Variants in GET1 observed in about 807,000 individuals in gnomAD.
GET1 encodes guided entry of tail-anchored proteins factor 1.
In GET1, 20 loss-of-function variants were observed where a neutral mutation model predicts 22.6. The observed-to-expected ratio is 0.89, with a 90% CI of 0.62 to 1.29. The LOEUF (loss-of-function observed/expected upper bound fraction) is 1.29, where lower values mean the gene tolerates loss of function less well. Among genes scored for constraint, GET1 ranks in the 50% most tolerant of loss-of-function variants. GET1 has a pLI of 0.00. For synonymous variants in GET1, 92 were observed against 83.8 expected (o/e 1.10, Z -0.53); for missense variants, 209 against 219.9 (o/e 0.95, Z 0.31).
At chr21:39,421,908 T>G (rs984184941) in intron 1 of GET1, 83 of 152,308 alleles carry the variant, frequency 5.4e-4, no homozygotes, top group African/African-American at 1.9e-3. Flanking sequence ...TTTGTTTTGG[T>G]TTTATGTATA....
At chr21:39,380,935 G>GGGGA in intron 1 of GET1, 1 of 187,976 alleles carries the variant, frequency 5.3e-6, no homozygotes, top group Non-Finnish European at 9.8e-6. Flanking sequence ...GGTAGGGTGG[G>GGGGA]AGACAGGTGT....
chr21:39,423,420 C>T lies in GET1; in HGVS notation c.*24-4812C>T, dbSNP rs138035610. 2.1e-5 allele frequency: 34 copies of T among 1,601,016 alleles called. No individual in the cohort carries two copies. Among genetic ancestry groups the T allele is most frequent in the Non-Finnish European group, 2.8e-5 (33 of 1,176,848 alleles). Reference sequence around the variant, plus strand: ...CCATAGCATCTCTTCTTTGGGCAATCATATGGATTTGAGAATTAAAGAGTG... The same window carrying T: ...CCATAGCATCTCTTCTTTGGGCAATTATATGGATTTGAGAATTAAAGAGTG... On this transcript the variant is annotated intron_variant, in intron 1 of 1. Coordinates refer to the GET1 transcript ENST00000478273.
intron 1 of GET1, chr21:39,380,837 G>T: frequency 1.0e-6 from 1 of 991,258 alleles, no homozygotes; most frequent in Non-Finnish European, 1.2e-6. Flanking sequence ...CTCGGCCAGG[G>T]TTTCCCAGAG....
At chr21:39,387,819 A>G in intron 1 of GET1, 1 of 984,672 alleles carries the variant, frequency 1.0e-6, no homozygotes, top group Non-Finnish European at 1.2e-6. Flanking sequence ...CTCTAAATGG[A>G]GAGTTGTCCC....
At chr21:39,401,538 A>G (rs188176367), downstream of GET1, among the ~76,000 whole-genome samples, 13 of 152,332 alleles carry the variant, frequency 8.5e-5, no homozygotes, top group South Asian at 2.1e-4. Flanking sequence ...ATCATTTCCT[A>G]TTCGTCAGAG....
intron 4 of GET1, among the ~76,000 whole-genome samples, chr21:39,393,923 T>G (rs1310484751): frequency 6.6e-6 from 1 of 152,212 alleles, no homozygotes; most frequent in African/African-American, 2.4e-5. Flanking sequence ...GTACTGAGAT[T>G]ACAGGCATGA....
intron 4 of GET1, among the ~76,000 whole-genome samples, chr21:39,405,493 C>T (rs1472553429): frequency 6.6e-6 from 1 of 152,180 alleles, no homozygotes; most frequent in Non-Finnish European, 1.5e-5. Context: ...TGCATCTGGC[C>T]TGCTTCCATG....
chr21:39,382,253 C>T (rs2037600075), intron 1 of GET1, among the ~76,000 whole-genome samples: 1 of 152,020 alleles, frequency 6.6e-6, no homozygotes, highest in Admixed American at 6.6e-5. Context: ...CGGGGTCTCA[C>T]TATGTTGCCC....
In GET1 at chr21:39,380,572, C is replaced by G. The variant is rs2037491768; in HGVS notation, c.102+86C>G. The G allele has an allele frequency of 2.6e-6, 4 of 1,538,610 alleles. No individual in the cohort carries two copies. In the South Asian group the frequency reaches 4.7e-5, roughly 18 times the overall value. ...TCTGGCGTAGGTACAGGGGTCTCAA[C>G]TGGGCGACTGAAGGCCGTAGTAGCG... On this transcript the variant is annotated intron_variant, in intron 1 of 4. Transcript: ENST00000649170.
At chr21:39,393,110 G>T in intron 3 of GET1, 56 bp from the exon 4 acceptor site, 1 of 1,442,950 alleles carries the variant, frequency 6.9e-7, no homozygotes, top group East Asian at 2.3e-5. Flanking sequence ...CCTCCCTTCT[G>T]TGTGGTCGGT....
chr21:39,410,339 G>A (rs983119747), downstream of GET1: 6 of 1,607,984 alleles, frequency 3.7e-6, no homozygotes, highest in Admixed American at 8.5e-5. Context: ...AAATTTTTCT[G>A]TCTGCTTGGA....
At chr21:39,407,397 G>A (rs2039261098), downstream of GET1, among the ~76,000 whole-genome samples, 1 of 152,128 alleles carries the variant, frequency 6.6e-6, no homozygotes, top group African/African-American at 2.4e-5. Context: ...AGCATTTTTG[G>A]ATGGCAATTT....
chr21:39,387,718 G>T (rs936988408), intron 1 of GET1: 1 of 751,438 alleles, frequency 1.3e-6, no homozygotes, highest in African/African-American at 2.2e-5. Flanking sequence ...GCCTCATCAC[G>T]CAGGCGCTGG....
chr21:39,422,705 G>GAA (rs997411472), intron 1 of GET1: 15 of 521,496 alleles, frequency 2.9e-5, no homozygotes, highest in Non-Finnish European at 4.7e-5. Context: ...CTCTCTTAGA[G>GAA]AATGGTCATT....
downstream of GET1, among the ~76,000 whole-genome samples, chr21:39,402,320 A>G (rs1459320293): frequency 3.3e-5 from 5 of 152,036 alleles, no homozygotes; most frequent in African/African-American, 1.2e-4. Context: ...GGCCAGGCTG[A>G]TCTCGAACTC....
chr21:39,392,566 C>T (rs983490265), intron 3 of GET1, among the ~76,000 whole-genome samples: 4 of 152,328 alleles, frequency 2.6e-5, no homozygotes, highest in Admixed American at 2.6e-4. Context: ...CATGTCTCTT[C>T]TGAGCGGCCT....
downstream of GET1, among the ~76,000 whole-genome samples, chr21:39,400,455 T>A (rs1410413684): frequency 6.6e-6 from 1 of 152,206 alleles, no homozygotes; most frequent in African/African-American, 2.4e-5. Context: ...ATGCCTTCAG[T>A]CAGTACCCAA....
intron 3 of GET1, among the ~76,000 whole-genome samples, chr21:39,392,324 G>C (rs886483863): frequency 1.3e-5 from 2 of 152,150 alleles, no homozygotes; most frequent in African/African-American, 2.4e-5. Flanking sequence ...GGAGCTGTTG[G>C]GCTCTGCTCT....
chr21:39,390,918 C>G, intron 2 of GET1, 55 bp downstream of exon 2: 1 of 1,587,812 alleles, frequency 6.3e-7, no homozygotes, highest in Non-Finnish European at 8.6e-7. Context: ...ATAGAGAAGT[C>G]TGTATGTGAA....
Sources: allele counts gnomAD v4.1 joint callset (sites outside exome capture counted in the v4.1 genomes callset), GRCh38; gene constraint gnomAD v4.1.1; transcripts MANE v1.5; gene names NCBI Gene and HGNC (gene_info 2026-07-23, HGNC 2026-07-21).